The following MCTP1 variants were observed in gnomAD, a reference collection of about 807,000 sequenced individuals.
MCTP1 encodes the protein multiple C2 and transmembrane domain-containing protein 1.
A neutral mutation model predicts 120.6 loss-of-function variants in MCTP1; 69 were observed. The observed-to-expected ratio is 0.57, with a 90% CI of 0.47 to 0.70. The LOEUF is 0.70. Ranked by LOEUF, MCTP1 falls within the 30% of genes least tolerant of loss-of-function variation. The probability of loss-of-function intolerance (pLI) is 0.00; values close to 1 mark genes in which losing one functional copy is unlikely to be tolerated. For synonymous variants in MCTP1, 529 were observed against 493.1 expected (o/e 1.07, Z -0.96); for missense variants, 1,203 against 1,248.8 (o/e 0.96, Z 0.55).
chr5:94,987,301 A>G (rs895244260), intron 2 of MCTP1, among the ~76,000 whole-genome samples: 2 of 152,184 alleles, frequency 1.3e-5, no homozygotes, highest in Non-Finnish European at 2.9e-5. Context: ...TATTATAAGC[A>G]TGGGGCTTTG....
chr5:95,087,617 T>A (rs778280211), intron 1 of MCTP1, among the ~76,000 whole-genome samples: 6 of 152,178 alleles, frequency 3.9e-5, no homozygotes, highest in Non-Finnish European at 8.8e-5. Context: ...AAACAAAAGC[T>A]TTTAAAGGCC....
intron 1 of MCTP1, among the ~76,000 whole-genome samples, chr5:95,192,541 CTT>C (rs939984564): frequency 3.9e-5 from 6 of 152,038 alleles, no homozygotes; most frequent in African/African-American, 1.4e-4. Flanking sequence ...TTTCAAGTCT[CTT>C]TTAGATAACA....
intron 19 of MCTP1, among the ~76,000 whole-genome samples, chr5:94,769,327 C>T (rs1773537333): frequency 1.3e-5 from 2 of 152,020 alleles, no homozygotes. Flanking sequence ...AGTATGGTGA[C>T]TATAGCTAAC....
intron 1 of MCTP1, among the ~76,000 whole-genome samples, chr5:95,227,038 C>T (rs1193175330): frequency 6.6e-6 from 1 of 152,194 alleles, no homozygotes; most frequent in Non-Finnish European, 1.5e-5. Flanking sequence ...CAGCCTCTGT[C>T]AGCCTCTTAG....
At chr5:94,922,502 T>C (rs1302728528) in intron 7 of MCTP1, among the ~76,000 whole-genome samples, 3 of 150,066 alleles carry the variant, frequency 2.0e-5, no homozygotes, top group Non-Finnish European at 4.4e-5. Flanking sequence ...CCCCTTTTTT[T>C]TTTGAAATGG....
Position 94,940,143 on chromosome 5 carries a change from G to C in MCTP1, c.1114C>G (p.Leu372Val), listed in dbSNP as rs369614907. Residue 372 changes from leucine (L) to valine (V), a missense_variant, in exon 5 of 23, where the codon CTT (leucine) becomes GTT (valine). By Grantham distance (32) the Leu-to-Val change is conservative (BLOSUM62 1). This residue lies in a region of MCTP1 where 740 missense variants were observed against 871.1 expected (regional missense o/e 0.85). Coordinates refer to ENST00000515393, the MANE Select transcript of MCTP1 (RefSeq NM_024717.7). ...ATGACTGAGAGCAAAATGATTCCAA[G>C]ATCATGGTCAGGATAATGAGGATCT... ...LKDPHYPDHD[L>V]GIILLSVILT... 1.2e-6 allele frequency: 2 copies of C among 1,609,950 alleles called. No individual in the cohort carries two copies. Among genetic ancestry groups the C allele is most frequent in the Admixed American group, 3.3e-5 (2 of 59,864 alleles).
chr5:95,210,478 CAG>C (rs1315654697), intron 1 of MCTP1, among the ~76,000 whole-genome samples: 1 of 150,100 alleles, frequency 6.7e-6, no homozygotes, highest in Non-Finnish European at 1.5e-5. Context: ...TCTGTTTTAT[CAG>C]AGACTAGGAT....
intron 1 of MCTP1, among the ~76,000 whole-genome samples, chr5:95,270,451 T>C (rs1759278960): frequency 6.6e-6 from 1 of 152,244 alleles, no homozygotes; most frequent in East Asian, 1.9e-4. Flanking sequence ...ATGTTACATA[T>C]GTTTAGCTAT....
At chr5:94,806,531 T>C (rs962275067) in intron 17 of MCTP1, among the ~76,000 whole-genome samples, 1 of 152,188 alleles carries the variant, frequency 6.6e-6, no homozygotes, top group Non-Finnish European at 1.5e-5. Flanking sequence ...ACTGGGCCAT[T>C]CACATCATCC....
chr5:94,965,373 C>A (rs542267746), intron 2 of MCTP1, among the ~76,000 whole-genome samples: 1 of 152,170 alleles, frequency 6.6e-6, no homozygotes, highest in Non-Finnish European at 1.5e-5. Flanking sequence ...CTAGTCCTCA[C>A]ACCATTCTGG....
At chr5:95,173,359 A>C (rs1445443328) in intron 1 of MCTP1, among the ~76,000 whole-genome samples, 1 of 152,208 alleles carries the variant, frequency 6.6e-6, no homozygotes, top group Non-Finnish European at 1.5e-5. Flanking sequence ...AATAATATTT[A>C]GTCACTACAA....
At chr5:94,965,466 G>T (rs993361057) in intron 2 of MCTP1, among the ~76,000 whole-genome samples, 2 of 152,070 alleles carry the variant, frequency 1.3e-5, no homozygotes, top group African/African-American at 4.8e-5. Context: ...CACTAGTGTG[G>T]TGTAACCTTT....
chr5:95,209,184 T>A (rs924712103), intron 1 of MCTP1, among the ~76,000 whole-genome samples: 1 of 152,218 alleles, frequency 6.6e-6, no homozygotes, highest in Non-Finnish European at 1.5e-5. Context: ...ATAGCATCAC[T>A]ATTCTTCCAG....
intron 1 of MCTP1, among the ~76,000 whole-genome samples, chr5:95,182,441 T>A (rs1300745242): frequency 6.6e-6 from 1 of 152,232 alleles, no homozygotes; most frequent in African/African-American, 2.4e-5. Context: ...TAAAATACTT[T>A]AATTTTGAAT....
chr5:95,201,463 GGTTTTTTTTTTTTTTTTT>G (rs1751016017), intron 1 of MCTP1, among the ~76,000 whole-genome samples: 5 of 120,720 alleles, frequency 4.1e-5, no homozygotes, highest in Non-Finnish European at 7.1e-5. Context: ...AAGGAAAAGT[GGTTTTTTTTTTTTTTTTT>G]TTTTTTTTTT....
chr5:95,231,822 C>G (rs1324519947), intron 1 of MCTP1, among the ~76,000 whole-genome samples: 1 of 151,902 alleles, frequency 6.6e-6, no homozygotes, highest in African/African-American at 2.4e-5. Context: ...TTATAAATGT[C>G]AAGAAGGGAA....
intron 1 of MCTP1, among the ~76,000 whole-genome samples, chr5:95,019,487 G>C (rs1837785067): frequency 6.6e-6 from 1 of 151,840 alleles, no homozygotes; most frequent in Non-Finnish European, 1.5e-5. Context: ...TCCCAGTGTA[G>C]GAATAGCATA....
At chr5:95,192,528 C>A (rs532493390) in intron 1 of MCTP1, among the ~76,000 whole-genome samples, 1 of 151,876 alleles carries the variant, frequency 6.6e-6, no homozygotes, top group Non-Finnish European at 1.5e-5. Context: ...ACATCATAAC[C>A]TTTTTCAAGT....
intron 19 of MCTP1, among the ~76,000 whole-genome samples, chr5:94,770,319 G>A (rs1773765155): frequency 6.6e-6 from 1 of 152,088 alleles, no homozygotes; most frequent in Admixed American, 6.6e-5. Flanking sequence ...CTGCTATTTC[G>A]AGAGTTTTTG....
Sources: gnomAD v4.1 joint callset for allele counts (sites outside exome capture counted in the v4.1 genomes callset) on GRCh38, gnomAD v4.1.1 for gene constraint, gnomAD v4.1.1 regional missense constraint, MANE v1.5 for transcripts, NCBI Gene and HGNC (gene_info 2026-07-23, HGNC 2026-07-21) for gene names.